KLF12: variants seen among roughly 807,000 people sequenced by gnomAD.
KLF12 encodes Krueppel-like factor 12.
KLF12 carries 9 observed loss-of-function variants against 37.8 expected under a neutral mutation model. The observed-to-expected ratio is 0.24, with a 90% CI of 0.14 to 0.42. The LOEUF is 0.42. KLF12 is among the 10% of genes least tolerant of loss of function. The pLI, the probability that KLF12 is intolerant of heterozygous loss-of-function variation, is 1.00. For synonymous variants in KLF12, 208 were observed against 202.1 expected, an observed-to-expected ratio of 1.03 and a Z score of -0.25; for missense variants, 411 against 516.0, an observed-to-expected ratio of 0.80 and a Z score of 1.97.
At chr13:74,163,853 A>G in the KLF12 span, among the ~76,000 whole-genome samples, 12 of 152,032 alleles carry the variant, frequency 7.9e-5, no homozygotes, top group African/African-American at 2.9e-4. Context: ...ATATATATAC[A>G]CCTACTATGT....
chr13:73,991,149 T>A (rs759584449), intron 2 of KLF12, among the ~76,000 whole-genome samples: 2 of 152,144 alleles, frequency 1.3e-5, no homozygotes, highest in Non-Finnish European at 2.9e-5. Context: ...GTGACCCAAT[T>A]CAAGACGATA....
intron 1 of KLF12, among the ~76,000 whole-genome samples, chr13:74,010,550 C>A (rs1892525806): frequency 6.6e-6 from 1 of 152,170 alleles, no homozygotes; most frequent in South Asian, 2.1e-4. Flanking sequence ...TGGCTTAATG[C>A]CTACTTTGCA....
chr13:73,751,849 C>T (rs1878782046), intron 6 of KLF12, among the ~76,000 whole-genome samples: 1 of 152,072 alleles, frequency 6.6e-6, no homozygotes, highest in Admixed American at 6.6e-5. Flanking sequence ...TAAGTGGCAT[C>T]ATTTTACAAT....
Position 73,688,070 on chromosome 13 carries a change from C to A in KLF12, c.*7420G>T, listed in dbSNP as rs1873598951. 1 of 152,536 alleles carries A rather than the reference C, an allele frequency of 6.6e-6. No homozygotes were observed. The allele number at this position is 152,536 out of a possible 1,614,324, so 9.4% of individuals were successfully genotyped here. On this transcript the variant is annotated 3_prime_UTR_variant, in exon 8 of 8. Transcript: ENST00000377669. The stretch of plus-strand genomic sequence containing the variant: ...ATACAGCTTCTATCTCTTTCCCCAG[C>A]CAAGTAACAGGGAGAAAGATAATAA...
At chr13:74,238,873 G>A in the KLF12 span, among the ~76,000 whole-genome samples, 2 of 151,308 alleles carry the variant, frequency 1.3e-5, no homozygotes, top group Non-Finnish European at 2.9e-5. Context: ...CAATTTTGTT[G>A]ATCCTTTCAA....
the KLF12 span, among the ~76,000 whole-genome samples, chr13:74,165,163 C>T: frequency 6.6e-6 from 1 of 151,668 alleles, no homozygotes; most frequent in Admixed American, 6.6e-5. Flanking sequence ...CTCATGTACC[C>T]CATAAATATA....
chr13:74,247,024 A>G, the KLF12 span, among the ~76,000 whole-genome samples: 2 of 152,232 alleles, frequency 1.3e-5, no homozygotes, highest in Non-Finnish European at 2.9e-5. Flanking sequence ...TTCCATCCAT[A>G]GTTACTACAT....
intron 6 of KLF12, among the ~76,000 whole-genome samples, chr13:73,760,398 G>A (rs139289483): frequency 7.1e-4 from 108 of 152,198 alleles, no homozygotes; most frequent in African/African-American, 2.5e-3. Context: ...ATACCTCACT[G>A]TAGCCTTGAA....
the KLF12 span, among the ~76,000 whole-genome samples, chr13:74,171,737 T>A: frequency 6.6e-6 from 1 of 152,124 alleles, no homozygotes; most frequent in Admixed American, 6.6e-5. Context: ...TTGTAGGAAA[T>A]GTTCAGCTGC....
At chr13:74,275,652 T>C in the KLF12 span, among the ~76,000 whole-genome samples, 1 of 152,000 alleles carries the variant, frequency 6.6e-6, no homozygotes, top group African/African-American at 2.4e-5. Context: ...ACTACTTTTT[T>C]ATCAAAACTT....
chr13:74,271,347 A>T, the KLF12 span, among the ~76,000 whole-genome samples: 1 of 152,242 alleles, frequency 6.6e-6, no homozygotes, highest in East Asian at 1.9e-4. Flanking sequence ...AAGCATTAGT[A>T]GAAACTAAGA....
At chr13:73,812,874 T>C in intron 5 of KLF12, 1 of 259,628 alleles carries the variant, frequency 3.9e-6, no homozygotes, top group Non-Finnish European at 7.2e-6. Flanking sequence ...AAATAACAAT[T>C]TTTTTTTTTT....
intron 2 of KLF12, among the ~76,000 whole-genome samples, chr13:73,950,407 G>A (rs1416073057): frequency 1.2e-4 from 19 of 152,170 alleles, no homozygotes; most frequent in Non-Finnish European, 7.3e-5. Flanking sequence ...GCAGAGGATG[G>A]TTAAAATGAC....
At chr13:74,167,136 A>C in the KLF12 span, among the ~76,000 whole-genome samples, 1,044 of 152,310 alleles carry the variant, frequency 6.9e-3, 12 homozygotes, top group African/African-American at 0.024. Context: ...TTGACTCTGT[A>C]TCTTGTTTAT....
At chr13:73,889,317 T>C (rs1287157570) in intron 3 of KLF12, among the ~76,000 whole-genome samples, 3 of 152,210 alleles carry the variant, frequency 2.0e-5, no homozygotes, top group Non-Finnish European at 4.4e-5. Context: ...ATGTATATAT[T>C]CCCTTTGCAG....
chr13:74,194,408 G>A, the KLF12 span, among the ~76,000 whole-genome samples: 1 of 152,202 alleles, frequency 6.6e-6, no homozygotes, highest in African/African-American at 2.4e-5. Context: ...CAGTCGTGAA[G>A]GCTTGGAAGT....
intron 3 of KLF12, among the ~76,000 whole-genome samples, chr13:73,881,033 T>G (rs965437781): frequency 2.6e-5 from 4 of 152,206 alleles, no homozygotes; most frequent in African/African-American, 7.2e-5. Flanking sequence ...TTCACAATCA[T>G]TAATGCCCAA....
At chr13:73,974,310 C>CAAAAAAAAAAAAAAAAAAAAA (rs61516158) in intron 2 of KLF12, among the ~76,000 whole-genome samples, 1 of 146,220 alleles carries the variant, frequency 6.8e-6, no homozygotes, top group African/African-American at 2.6e-5. Context: ...AACTTCAAGA[C>CAAAAAAAAAAAAAAAAAAAAA]AAAAAAAAAA....
the KLF12 span, chr13:74,257,875 T>C: frequency 6.6e-6 from 1 of 152,210 alleles, no homozygotes; most frequent in South Asian, 2.1e-4. Context: ...TTCTGGTGAG[T>C]GGTGTTTTGA....
Sources: allele counts gnomAD v4.1 joint callset (sites outside exome capture counted in the v4.1 genomes callset), GRCh38; gene constraint gnomAD v4.1.1; transcripts MANE v1.5; gene names NCBI Gene and HGNC (gene_info 2026-07-23, HGNC 2026-07-21).